Variants in SCAPER observed in about 807,000 individuals in gnomAD.
SCAPER encodes the protein S-phase cyclin A associated protein in the ER.
Under a neutral mutation model 182.2 loss-of-function variants are expected in SCAPER, and 98 were observed. That is an observed-to-expected ratio of 0.54 (90% confidence interval 0.46 to 0.64). The LOEUF is 0.64. Among genes scored for constraint, SCAPER ranks in the 30% least tolerant of loss-of-function variants. The pLI is 0.00. For synonymous variants in SCAPER, 605 were observed against 564.6 expected (o/e 1.07, Z -1.01); for missense variants, 1,432 against 1,690.0 (o/e 0.85, Z 2.68).
intron 28 of SCAPER, among the ~76,000 whole-genome samples, chr15:76,377,353 G>C (rs116077931): frequency 0.015 from 2,202 of 151,726 alleles, 56 homozygotes; most frequent in African/African-American, 0.051. Flanking sequence ...GAAGGACTTT[G>C]CTCCTTTAAA....
chr15:76,603,060 GT>G (rs1297564178), intron 22 of SCAPER, among the ~76,000 whole-genome samples: 1 of 104,062 alleles, frequency 9.6e-6, no homozygotes. Context: ...TATACTTTAA[GT>G]TTTAGGGTAC....
At chr15:76,473,321 C>T (rs9944271) in intron 24 of SCAPER, among the ~76,000 whole-genome samples, 2,016 of 152,254 alleles carry the variant, frequency 0.013, 43 homozygotes, top group African/African-American at 0.046. Context: ...GCCTGAAATA[C>T]CCTGATTGTT....
chr15:76,559,714 A>G (rs1208583868), intron 23 of SCAPER, among the ~76,000 whole-genome samples: 1 of 152,184 alleles, frequency 6.6e-6, no homozygotes, highest in Non-Finnish European at 1.5e-5. Flanking sequence ...CAAAGAAGAG[A>G]GCAATGGATA....
chr15:76,567,418 T>C (rs2047117874), intron 23 of SCAPER: 3 of 431,266 alleles, frequency 7.0e-6, no homozygotes, highest in Admixed American at 2.6e-5. Context: ...AGAAGTGAAA[T>C]ATGATACACA....
intron 14 of SCAPER, among the ~76,000 whole-genome samples, chr15:76,759,653 T>C (rs952678057): frequency 6.6e-6 from 1 of 152,240 alleles, no homozygotes; most frequent in Non-Finnish European, 1.5e-5. Context: ...ATACCTAGTA[T>C]GTTGAGGGTT....
rs76742045 is a variant in SCAPER at position 76,657,628 on chromosome 15, C to A, written c.2645+8025G>T. Reference sequence around the variant, plus strand: ...AGAAAGAAAGAAAGAAAAAAGAACACAGGCCATTATTCATGATGACATGCA... The same window carrying A: ...AGAAAGAAAGAAAGAAAAAAGAACAAAGGCCATTATTCATGATGACATGCA... On this transcript the variant is annotated intron_variant, in intron 21 of 31. Coordinates refer to ENST00000563290, the MANE Select transcript of SCAPER (RefSeq NM_020843.4). 4.7e-3 allele frequency among the ~76,000 whole-genome samples: 694 copies of A among 146,276 alleles called. 26 individuals are homozygous for A. Among genetic ancestry groups the A allele is most frequent in the Admixed American group, 0.039 (580 of 14,820 alleles).
At chr15:76,662,213 T>C (rs929394972) in intron 21 of SCAPER, among the ~76,000 whole-genome samples, 17 of 152,108 alleles carry the variant, frequency 1.1e-4, no homozygotes, top group African/African-American at 3.4e-4. Context: ...TCAGGACAAA[T>C]AGCTAATGTA....
chr15:76,377,979 T>C (rs913957095), intron 28 of SCAPER, among the ~76,000 whole-genome samples: 1 of 152,250 alleles, frequency 6.6e-6, no homozygotes, highest in Non-Finnish European at 1.5e-5. Context: ...TATGCAATCA[T>C]ATTTAATCCT....
intron 23 of SCAPER, among the ~76,000 whole-genome samples, chr15:76,513,088 C>T (rs2042170298): frequency 6.6e-6 from 1 of 152,142 alleles, no homozygotes; most frequent in East Asian, 1.9e-4. Flanking sequence ...CATCCATCAC[C>T]TCTGCCGTAC....
chr15:76,686,811 G>T (rs2058062489), intron 20 of SCAPER, among the ~76,000 whole-genome samples: 2 of 151,964 alleles, frequency 1.3e-5, no homozygotes, highest in Admixed American at 1.3e-4. Flanking sequence ...ATACAGCAAG[G>T]TATTCTTTTT....
At chr15:76,646,378 G>C (rs2054550371) in intron 21 of SCAPER, among the ~76,000 whole-genome samples, 1 of 152,086 alleles carries the variant, frequency 6.6e-6, no homozygotes, top group African/African-American at 2.4e-5. Context: ...ATTACCACTG[G>C]ACACTGAAGC....
intron 21 of SCAPER, among the ~76,000 whole-genome samples, chr15:76,663,150 T>C (rs1039225768): frequency 2.6e-5 from 4 of 151,898 alleles, no homozygotes; most frequent in African/African-American, 4.8e-5. Context: ...TAAAGGAAAA[T>C]ACTGAACAGT....
At chr15:76,503,056 G>GAAAAC (rs139731777) in intron 24 of SCAPER, among the ~76,000 whole-genome samples, 30 of 151,150 alleles carry the variant, frequency 2.0e-4, no homozygotes, top group South Asian at 1.0e-3. Flanking sequence ...AAGCCTACCA[G>GAAAAC]AAAACAAAAC....
chr15:76,486,447 T>A (rs1000926937), intron 24 of SCAPER, among the ~76,000 whole-genome samples: 3 of 151,410 alleles, frequency 2.0e-5, no homozygotes, highest in African/African-American at 7.3e-5. Flanking sequence ...TGGGAGAAAA[T>A]TTTTGCAAAC....
intron 1 of SCAPER, among the ~76,000 whole-genome samples, chr15:76,893,557 TA>T (rs2074272128): frequency 6.6e-6 from 1 of 151,940 alleles, no homozygotes; most frequent in African/African-American, 2.4e-5. Context: ...TGAACAGTTC[TA>T]TAGGCCAAAT....
chr15:76,768,010 G>A lies in SCAPER; in HGVS notation c.1249-922C>T, dbSNP rs113912120. On this transcript the variant is annotated intron_variant, in intron 10 of 31. Transcript: ENST00000563290. Reference sequence around the variant, plus strand: ...AATAAAAGGGTCAATTCATCAAGACGACAAAACAGTCCTAAATGTTTATAG... The same window carrying A: ...AATAAAAGGGTCAATTCATCAAGACAACAAAACAGTCCTAAATGTTTATAG... Among the ~76,000 whole-genome samples, 599 of 152,070 alleles carry A rather than the reference G, an allele frequency of 3.9e-3. 4 individuals are homozygous for A. The highest frequency in any genetic ancestry group is 0.013 in the African/African-American group (550 of 41,504).
intron 15 of SCAPER, among the ~76,000 whole-genome samples, chr15:76,739,145 A>G (rs1381532275): frequency 2.6e-5 from 4 of 152,206 alleles, no homozygotes; most frequent in Non-Finnish European, 5.9e-5. Flanking sequence ...TGCAAATACT[A>G]TATCATTTTA....
At chr15:76,607,020 A>C (rs978124943) in intron 22 of SCAPER, among the ~76,000 whole-genome samples, 1 of 152,208 alleles carries the variant, frequency 6.6e-6, no homozygotes, top group Admixed American at 6.5e-5. Flanking sequence ...ATTTACATCT[A>C]AAGTTAATAT....
chr15:76,652,513 A>ATT (rs1204590712), intron 21 of SCAPER, among the ~76,000 whole-genome samples: 82 of 80,292 alleles, frequency 1.0e-3, no homozygotes, highest in Middle Eastern at 5.4e-3. Context: ...ATATATTTAC[A>ATT]TACATACACA....
Sources: allele counts gnomAD v4.1 joint callset (sites outside exome capture counted in the v4.1 genomes callset), GRCh38; gene constraint gnomAD v4.1.1; transcripts MANE v1.5; gene names NCBI Gene and HGNC (gene_info 2026-07-23, HGNC 2026-07-21).